WWP2: variants seen among roughly 807,000 people sequenced by gnomAD.
WWP2 encodes WW domain containing E3 ubiquitin protein ligase 2.
Under a neutral mutation model 121.0 loss-of-function variants are expected in WWP2, and 57 were observed. The observed-to-expected ratio is 0.47, with a 90% CI of 0.38 to 0.59. The LOEUF is 0.59. Ranked by LOEUF, WWP2 falls within the 20% of genes least tolerant of loss-of-function variation. The probability of loss-of-function intolerance (pLI) is 0.00; values close to 1 mark genes in which losing one functional copy is unlikely to be tolerated. For missense variants in WWP2, 962 were observed against 1,158.9 expected (o/e 0.83, Z 2.47); for synonymous variants, 449 against 441.3 (o/e 1.02, Z -0.22).
At chr16:69,804,179 T>C (rs2056229148) in intron 4 of WWP2, among the ~76,000 whole-genome samples, 1 of 152,250 alleles carries the variant, frequency 6.6e-6, no homozygotes, top group Non-Finnish European at 1.5e-5. Context: ...TTTTTAACTT[T>C]CTGTAGTCCA....
Position 69,931,594 on chromosome 16 carries a change from G to C in WWP2, c.1593+14G>C. ...TCCTTCCAACAGGTTAGATCATGGTGCCCGAAACCAGTGGCAGGCCGACGC... is the reference window on the plus strand; with the variant it reads ...TCCTTCCAACAGGTTAGATCATGGTCCCCGAAACCAGTGGCAGGCCGACGC... On this transcript the variant is annotated intron_variant, in intron 15 of 23. Transcript: ENST00000359154. The C allele has an allele frequency of 6.2e-7, 1 of 1,613,784 alleles. No homozygotes were observed. The highest frequency in any genetic ancestry group is 8.5e-7 in the Non-Finnish European group (1 of 1,179,964).
chr16:69,934,887 A>T (rs1280561264), intron 17 of WWP2, among the ~76,000 whole-genome samples: 2 of 152,196 alleles, frequency 1.3e-5, no homozygotes, highest in Non-Finnish European at 2.9e-5. Context: ...GCGCCAGTCC[A>T]TGGGCGCTGC....
Position 69,842,096 on chromosome 16 carries a change from C to G in WWP2, c.551C>G (p.Thr184Arg), listed in dbSNP as rs1390718988. 6.2e-7 allele frequency: 1 copy of G among 1,613,244 alleles called. No individual in the cohort carries two copies. The highest frequency in any genetic ancestry group is 2.2e-5 in the East Asian group (1 of 44,872). ...GAGAACCGGCACCAGCCCCCCAGCA[C>G]AAACTGCTTTGGTGGAAGATCCCGG... ...APENRHQPPS[T>R]NCFGGRSRTH... The change falls in exon 6 of 24, where the codon ACA (threonine) becomes AGA (arginine). Residue 184 changes from threonine to arginine, a missense_variant. Transcript: ENST00000359154.
At chr16:69,903,924 C>A (rs2058247504) in intron 8 of WWP2, among the ~76,000 whole-genome samples, 1 of 152,150 alleles carries the variant, frequency 6.6e-6, no homozygotes, top group Non-Finnish European at 1.5e-5. Context: ...AGTATTAGGG[C>A]TTTTGTGCCA....
chr16:69,800,717 A>C (rs2056145773), intron 4 of WWP2, among the ~76,000 whole-genome samples: 1 of 151,318 alleles, frequency 6.6e-6, no homozygotes, highest in Non-Finnish European at 1.5e-5. Context: ...GGCATGTGCC[A>C]CCATTCCCAG....
intron 1 of WWP2, among the ~76,000 whole-genome samples, chr16:69,769,405 T>C (rs2151766128): frequency 6.6e-6 from 1 of 152,116 alleles, no homozygotes; most frequent in South Asian, 2.1e-4. Context: ...GCTGGTTAAT[T>C]AGAAATAAAA....
At chr16:69,844,803 A>G (rs1277701684) in intron 6 of WWP2, among the ~76,000 whole-genome samples, 1 of 152,186 alleles carries the variant, frequency 6.6e-6, no homozygotes, top group Non-Finnish European at 1.5e-5. Flanking sequence ...GGCTTTTACT[A>G]CGTGTAGCAT....
At chr16:69,864,318 C>T (rs533270074) in intron 6 of WWP2, among the ~76,000 whole-genome samples, 3 of 152,158 alleles carry the variant, frequency 2.0e-5, no homozygotes, top group South Asian at 4.1e-4. Context: ...GCCATGATCA[C>T]GCCATTGCAC....
intron 4 of WWP2, among the ~76,000 whole-genome samples, chr16:69,826,829 C>G (rs942930643): frequency 4.6e-5 from 7 of 151,246 alleles, no homozygotes; most frequent in African/African-American, 1.7e-4. Context: ...GTCCCAGCTC[C>G]TCAGGAGGCT....
At chr16:69,841,663 C>A (rs1045908176) in intron 5 of WWP2, among the ~76,000 whole-genome samples, 1 of 151,514 alleles carries the variant, frequency 6.6e-6, no homozygotes, top group African/African-American at 2.4e-5. Flanking sequence ...GAGAAATGCC[C>A]CCGATTTCTG....
chr16:69,868,644 TCAACA>T (rs1226196064), intron 6 of WWP2, among the ~76,000 whole-genome samples: 1 of 147,280 alleles, frequency 6.8e-6, no homozygotes, highest in Non-Finnish European at 1.5e-5. Flanking sequence ...CTCTCTGCCC[TCAACA>T]CATACACATG....
At chr16:69,763,508 A>G (rs1294445466) in intron 1 of WWP2, among the ~76,000 whole-genome samples, 1 of 152,270 alleles carries the variant, frequency 6.6e-6, no homozygotes, top group Non-Finnish European at 1.5e-5. Context: ...TTGGGTTACA[A>G]GTAGGAAAAA....
At chr16:69,928,691 C>G (rs2058671418) in intron 11 of WWP2, among the ~76,000 whole-genome samples, 1 of 152,132 alleles carries the variant, frequency 6.6e-6, no homozygotes, top group Non-Finnish European at 1.5e-5. Context: ...GGGAGGATCA[C>G]TTGAGGCCAG....
At chr16:69,803,540 T>C (rs1266935521) in intron 4 of WWP2, among the ~76,000 whole-genome samples, 3 of 152,174 alleles carry the variant, frequency 2.0e-5, no homozygotes, top group Admixed American at 2.0e-4. Context: ...GGTCCATTCA[T>C]TGGTTGTTCT....
rs1235082762 is a variant in WWP2 at position 69,929,532 on chromosome 16, A to G, written c.1316+3A>G. On this transcript the variant is annotated splice_donor_region_variant and intron_variant, in intron 12 of 23. Coordinates refer to ENST00000359154, the MANE Select transcript of WWP2 (RefSeq NM_001270454.2). ...TGGGAGGATCCCCGGACCCAGGGGT[A>G]AGGACTTGGGCTGAGAGGGGGGCCG... is the stretch of plus-strand genomic sequence containing the variant. The G allele has an allele frequency of 1.9e-6, 3 of 1,613,954 alleles. No individual in the cohort carries two copies. The highest frequency in any genetic ancestry group is 1.1e-5 in the South Asian group (1 of 91,076).
intron 4 of WWP2, among the ~76,000 whole-genome samples, chr16:69,821,810 G>A (rs1449656815): frequency 2.1e-5 from 3 of 146,314 alleles, no homozygotes; most frequent in South Asian, 2.1e-4. Context: ...CTCCCATCTC[G>A]GCCTCCCAAA....
At chr16:69,911,005 CAG>C (rs1216266621) in intron 9 of WWP2, among the ~76,000 whole-genome samples, 2 of 152,176 alleles carry the variant, frequency 1.3e-5, no homozygotes, top group Non-Finnish European at 2.9e-5. Flanking sequence ...TCTGTAATCA[CAG>C]GGGATCCAGA....
chr16:69,853,394 A>C (rs2151892483), intron 6 of WWP2, among the ~76,000 whole-genome samples: 1 of 152,268 alleles, frequency 6.6e-6, no homozygotes, highest in South Asian at 2.1e-4. Context: ...GCAGGCGATG[A>C]GGCATGGTGT....
intron 8 of WWP2, among the ~76,000 whole-genome samples, chr16:69,899,323 A>G (rs1311771250): frequency 6.6e-6 from 1 of 152,206 alleles, no homozygotes; most frequent in Admixed American, 6.5e-5. Flanking sequence ...CAGCCTGGAC[A>G]GCATAGTGAG....
Sources: allele counts gnomAD v4.1 joint callset (sites outside exome capture counted in the v4.1 genomes callset), GRCh38; gene constraint gnomAD v4.1.1; transcripts MANE v1.5; gene names NCBI Gene and HGNC (gene_info 2026-07-23, HGNC 2026-07-21).